The following PPM1H variants were observed in gnomAD, a reference collection of about 807,000 sequenced individuals.
PPM1H encodes the protein protein phosphatase, Mg2+/Mn2+ dependent 1H.
PPM1H carries 27 observed loss-of-function variants against 54.9 expected under a neutral mutation model. The ratio of observed to expected loss-of-function variants is 0.49; its 90% CI spans 0.36 to 0.68. The LOEUF (loss-of-function observed/expected upper bound fraction) is 0.68, where lower values mean the gene tolerates loss of function less well. Ranked by LOEUF, PPM1H falls within the 30% of genes least tolerant of loss-of-function variation. The pLI is 0.00. For missense variants in PPM1H, 596 were observed against 667.8 expected (o/e 0.89, Z 1.19); for synonymous variants, 305 against 270.8 (o/e 1.13, Z -1.24).
intron 8 of PPM1H, among the ~76,000 whole-genome samples, chr12:62,680,015 T>G (rs1418258838): frequency 3.3e-5 from 5 of 152,186 alleles, no homozygotes; most frequent in Admixed American, 1.3e-4. Context: ...TGCCATCAAT[T>G]CCTTCCCTCC....
chr12:62,651,149 A>G (rs531838528), intron 9 of PPM1H, among the ~76,000 whole-genome samples: 2 of 152,324 alleles, frequency 1.3e-5, no homozygotes, highest in South Asian at 2.1e-4. Flanking sequence ...CTATGAGAAA[A>G]TATGCCTGAC....
intron 4 of PPM1H, among the ~76,000 whole-genome samples, chr12:62,768,131 G>A (rs116753427): frequency 0.018 from 2,739 of 152,186 alleles, 78 homozygotes; most frequent in African/African-American, 0.062. Context: ...TACATCACTC[G>A]CCCACACCCC....
chr12:62,756,883 G>A (rs1424308922), intron 4 of PPM1H, among the ~76,000 whole-genome samples: 1 of 152,132 alleles, frequency 6.6e-6, no homozygotes, highest in Non-Finnish European at 1.5e-5. Flanking sequence ...GCTGACTTGA[G>A]AGGCACCTGT....
chr12:62,652,222 T>G (rs2075820708), intron 9 of PPM1H, among the ~76,000 whole-genome samples: 1 of 152,146 alleles, frequency 6.6e-6, no homozygotes, highest in African/African-American at 2.4e-5. Flanking sequence ...TTTGCATTAT[T>G]ATTATTCAGA....
intron 4 of PPM1H, among the ~76,000 whole-genome samples, chr12:62,738,917 C>A (rs1041606397): frequency 1.5e-4 from 23 of 151,856 alleles, no homozygotes; most frequent in African/African-American, 5.6e-4. Context: ...GCTGTCATGA[C>A]CCCACCCCCA....
intron 6 of PPM1H, among the ~76,000 whole-genome samples, chr12:62,699,285 C>T (rs559455486): frequency 2.2e-4 from 33 of 152,198 alleles, no homozygotes; most frequent in Non-Finnish European, 3.4e-4. Context: ...CAACCTCTAC[C>T]TCCTGGGTTC....
intron 2 of PPM1H, among the ~76,000 whole-genome samples, chr12:62,822,695 C>G (rs143698354): frequency 6.6e-6 from 1 of 152,016 alleles, no homozygotes; most frequent in African/African-American, 2.4e-5. Flanking sequence ...TTGAAACCAA[C>G]GAGAACAAAG....
chr12:62,670,764 C>A (rs1028502025), intron 8 of PPM1H, among the ~76,000 whole-genome samples: 1 of 152,128 alleles, frequency 6.6e-6, no homozygotes, highest in African/African-American at 2.4e-5. Context: ...TTCTCAAGAC[C>A]GTTCTTCATG....
intron 6 of PPM1H, among the ~76,000 whole-genome samples, chr12:62,716,685 C>G (rs143063645): frequency 4.9e-4 from 75 of 152,250 alleles, no homozygotes; most frequent in African/African-American, 1.7e-3. Context: ...TGCCACCATG[C>G]CTGGCTAATT....
chr12:62,839,877 A>AAAAAAAAAAAAAAC (rs1555200461), intron 1 of PPM1H, among the ~76,000 whole-genome samples: 1 of 136,792 alleles, frequency 7.3e-6, no homozygotes, highest in East Asian at 2.1e-4. Flanking sequence ...GTTTCTACAA[A>AAAAAAAAAAAAAAC]AAAAAAAAAA....
chr12:62,704,032 A>G (rs545608263), intron 6 of PPM1H, among the ~76,000 whole-genome samples: 11 of 150,518 alleles, frequency 7.3e-5, no homozygotes, highest in African/African-American at 2.7e-4. Flanking sequence ...AGGCAACACA[A>G]GAAGAGTCTG....
intron 4 of PPM1H, among the ~76,000 whole-genome samples, chr12:62,763,908 G>A (rs1367289016): frequency 6.6e-6 from 1 of 152,164 alleles, no homozygotes; most frequent in Non-Finnish European, 1.5e-5. Context: ...CATGTGGGGT[G>A]AGCTTTGAGA....
rs542831433 is a variant in PPM1H at position 62,656,607 on chromosome 12, G to A, written c.1398-7971C>T. ...GGGTGGGAACTTCAATTTGCCATTT[G>A]GATGGTACAGACAGGGTCTTATAAG... is the stretch of plus-strand genomic sequence containing the variant. On this transcript the variant is annotated intron_variant, in intron 9 of 9. Coordinates refer to ENST00000228705, the MANE Select transcript of PPM1H (RefSeq NM_020700.2). Among the ~76,000 whole-genome samples the A allele has an allele frequency of 4.6e-5, 7 of 152,248 alleles. No homozygotes were observed. In the East Asian group the frequency reaches 1.4e-3, roughly 29 times the overall value.
chr12:62,749,706 G>A (rs908158431), intron 4 of PPM1H, among the ~76,000 whole-genome samples: 3 of 152,254 alleles, frequency 2.0e-5, no homozygotes, highest in Admixed American at 6.5e-5. Context: ...CTGCAAATAC[G>A]ATGATTCATT....
In PPM1H at chr12:62,646,238, G is replaced by GAGTT. The variant is rs1408679230; in HGVS notation, c.*2247_*2250dup. The GAGTT allele has an allele frequency of 1.3e-5, 2 of 152,200 alleles. No individual in the cohort carries two copies. Among genetic ancestry groups the GAGTT allele is most frequent in the Non-Finnish European group, 2.9e-5 (2 of 68,034 alleles). The allele number at this position is 152,200 out of a possible 1,614,324, so 9.4% of individuals were successfully genotyped here. On this transcript the variant is annotated 3_prime_UTR_variant, in exon 10 of 10. Coordinates refer to ENST00000228705, the MANE Select transcript of PPM1H (RefSeq NM_020700.2). ...TAATATTTCGATTTAGAGGTTTCTA[G>GAGTT]AGTTATTCCTGAGACGTGCCATAGC...
At chr12:62,802,683 TCTTCTCATGCCTCAGC>T (rs200921226) in intron 2 of PPM1H, among the ~76,000 whole-genome samples, 10,505 of 151,880 alleles carry the variant, frequency 0.069, 505 homozygotes, top group Middle Eastern at 0.11. Flanking sequence ...CATGCCTCAG[TCTTCTCATGCCTCAGC>T]CTCTGGAGTA....
At chr12:62,931,288 A>G (rs965167837) in intron 1 of PPM1H, among the ~76,000 whole-genome samples, 4 of 152,158 alleles carry the variant, frequency 2.6e-5, no homozygotes, top group African/African-American at 9.7e-5. Context: ...AATTTGAGCA[A>G]TCTTCCTACC....
intron 4 of PPM1H, among the ~76,000 whole-genome samples, chr12:62,771,039 GAA>G (rs2076575942): frequency 9.2e-6 from 1 of 108,860 alleles, no homozygotes; most frequent in African/African-American, 3.6e-5. Context: ...GCAGGAAAAA[GAA>G]AAAGACACAC....
intron 6 of PPM1H, among the ~76,000 whole-genome samples, chr12:62,714,143 T>A (rs932893948): frequency 3.3e-5 from 5 of 152,158 alleles, no homozygotes; most frequent in African/African-American, 1.2e-4. Context: ...TATATCTGCA[T>A]GGTCCAATTC....
Sources: allele counts gnomAD v4.1 joint callset (sites outside exome capture counted in the v4.1 genomes callset), GRCh38; gene constraint gnomAD v4.1.1; transcripts MANE v1.5; gene names NCBI Gene and HGNC (gene_info 2026-07-23, HGNC 2026-07-21).